The following HECW2 variants were observed in gnomAD, a reference collection of about 807,000 sequenced individuals.
HECW2 encodes the protein E3 ubiquitin-protein ligase HECW2.
A neutral mutation model predicts 175.2 loss-of-function variants in HECW2; 61 were observed. The ratio of observed to expected loss-of-function variants is 0.35; its 90% CI spans 0.28 to 0.43. HECW2 has a LOEUF of 0.43. HECW2 is among the 20% of genes least tolerant of loss of function. HECW2 has a pLI of 1.00. For missense variants in HECW2, 1,524 were observed against 2,000.5 expected (o/e 0.76, Z 4.54); for synonymous variants, 671 against 731.0 (o/e 0.92, Z 1.32).
At chr2:196,556,233 A>G (rs1689789821) in intron 1 of HECW2, among the ~76,000 whole-genome samples, 1 of 152,230 alleles carries the variant, frequency 6.6e-6, no homozygotes, top group African/African-American at 2.4e-5. Context: ...TGTATGCATT[A>G]TGAAATGATT....
At chr2:196,362,252 C>T (rs2105885803) in intron 2 of HECW2, 7 of 938,878 alleles carry the variant, frequency 7.5e-6, no homozygotes, top group South Asian at 4.9e-5. Context: ...ATGCAATCGC[C>T]CCATCCTCCC....
intron 2 of HECW2, among the ~76,000 whole-genome samples, chr2:196,356,373 GT>G (rs1693368995): frequency 6.6e-6 from 1 of 152,176 alleles, no homozygotes; most frequent in African/African-American, 2.4e-5. Context: ...ATTACCCAAA[GT>G]TAACCTTAGT....
At chr2:196,413,636 T>C (rs1289314381) in intron 2 of HECW2, among the ~76,000 whole-genome samples, 1 of 152,126 alleles carries the variant, frequency 6.6e-6, no homozygotes, top group East Asian at 1.9e-4. Flanking sequence ...TAAGCCACTA[T>C]GCCCAGCCGA....
intron 4 of HECW2, among the ~76,000 whole-genome samples, 189 bp from the exon 5 acceptor site, chr2:196,329,839 A>T (rs560254801): frequency 6.6e-6 from 1 of 152,330 alleles, no homozygotes; most frequent in African/African-American, 2.4e-5. Flanking sequence ...ACTAAAATTT[A>T]ATCTTTACCA....
intron 14 of HECW2, chr2:196,291,904 C>T (rs1381864909): frequency 6.6e-6 from 1 of 152,236 alleles, no homozygotes; most frequent in African/African-American, 2.4e-5. Flanking sequence ...CACCTTATAA[C>T]AAGCACTAAT....
intron 2 of HECW2, among the ~76,000 whole-genome samples, chr2:196,401,840 A>G (rs1694824388): frequency 6.6e-6 from 1 of 152,206 alleles, no homozygotes; most frequent in Non-Finnish European, 1.5e-5. Flanking sequence ...AGATAAGTTA[A>G]GACATGGAAT....
At chr2:196,345,225 C>T (rs755693174) in intron 2 of HECW2, among the ~76,000 whole-genome samples, 1 of 152,186 alleles carries the variant, frequency 6.6e-6, no homozygotes, top group Non-Finnish European at 1.5e-5. Context: ...AGATGGTACT[C>T]GGGCAATCAC....
chr2:196,310,732 T>C (rs905539271), intron 10 of HECW2, among the ~76,000 whole-genome samples: 2 of 151,450 alleles, frequency 1.3e-5, no homozygotes, highest in Non-Finnish European at 2.9e-5. Context: ...AAATATGTTA[T>C]ATAATCAGGG....
chr2:196,458,106 C>CA (rs903687001), intron 1 of HECW2, among the ~76,000 whole-genome samples: 13 of 151,746 alleles, frequency 8.6e-5, no homozygotes, highest in Non-Finnish European at 2.9e-5. Context: ...CCCATCTCTA[C>CA]AAAAAATTAA....
At chr2:196,552,233 C>T (rs761298251) in intron 1 of HECW2, among the ~76,000 whole-genome samples, 1 of 152,162 alleles carries the variant, frequency 6.6e-6, no homozygotes, top group African/African-American at 2.4e-5. Flanking sequence ...AAACTTAAAG[C>T]TTTATGGTTA....
chr2:196,326,421 A>G (rs1692153984), intron 5 of HECW2, among the ~76,000 whole-genome samples: 1 of 150,812 alleles, frequency 6.6e-6, no homozygotes, highest in Non-Finnish European at 1.5e-5. Flanking sequence ...ATATATCTGC[A>G]AATATTTAAA....
intron 3 of HECW2, among the ~76,000 whole-genome samples, chr2:196,337,706 T>A (rs907819425): frequency 6.6e-6 from 1 of 152,086 alleles, no homozygotes; most frequent in African/African-American, 2.4e-5. Flanking sequence ...AAGAGTATTT[T>A]GAATTCACTA....
intron 2 of HECW2, among the ~76,000 whole-genome samples, chr2:196,381,818 T>G (rs763205465): frequency 3.9e-5 from 6 of 152,174 alleles, no homozygotes; most frequent in Non-Finnish European, 2.9e-5. Flanking sequence ...AGTCTTTAAC[T>G]AGTTTAAACT....
intron 1 of HECW2, among the ~76,000 whole-genome samples, chr2:196,530,046 C>T (rs1688791213): frequency 6.6e-6 from 1 of 152,098 alleles, no homozygotes; most frequent in Admixed American, 6.6e-5. Context: ...ATATAAGAAT[C>T]TAAGATACTT....
chr2:196,291,158 G>A (rs545610232), intron 14 of HECW2: 1 of 151,956 alleles, frequency 6.6e-6, no homozygotes, highest in Admixed American at 6.6e-5. Context: ...AGGGAACTTT[G>A]GGGGGTAAAT....
Position 196,222,258 on chromosome 2 carries a change from C to A in HECW2, c.4099G>T (p.Asp1367Tyr), listed in dbSNP as rs149188557. 6.2e-7 allele frequency: 1 copy of A among 1,613,724 alleles called. No individual in the cohort carries two copies. Among genetic ancestry groups the A allele is most frequent in the African/African-American group, 1.3e-5 (1 of 74,894 alleles). The change falls in exon 24 of 29, where the codon GAC becomes TAC. Residue 1367 changes from aspartate to tyrosine, a missense_variant. By Grantham distance (160) the Asp-to-Tyr change is radical. Around this residue, in one of 11 missense-constraint regions of HECW2, gnomAD observed 134 missense variants for 287.8 expected, o/e 0.47. Transcript: ENST00000644978. ...LQWMKDNDIH[D>Y]ILDLTFTVNE... is the part of the protein sequence containing the mutation. ...ACAGTGAACGTGAGGTCTAGGATGT[C>A]ATGGATATCATTGTCTTTCATCCAC...
At position 196,361,998 on chromosome 2, in the gene HECW2, C is replaced by T. The variant is rs568197098; in HGVS notation, c.293-18234G>A. ...TGGAGTTCTAAGGTGGCTGTGAAAG[C>T]TCTGCAGGTCCACTTCACGGATGCT... On this transcript the variant is annotated intron_variant, in intron 2 of 28. Transcript: ENST00000644978. 397 of 985,358 alleles carry T rather than the reference C, an allele frequency of 4.0e-4. 2 individuals carry two copies. The African/African-American group carries it at 6.3e-3, about 16-fold the overall frequency. 61.0% of individuals were successfully genotyped at this position (985,358 alleles called of 1,614,324 possible).
At position 196,321,391 on chromosome 2, in the gene HECW2, C is replaced by CT. The variant is rs10622627; in HGVS notation, c.885-953dup. Among the ~76,000 whole-genome samples the CT allele has an allele frequency of 3.1e-3, 430 of 139,666 alleles. 13 individuals carry two copies. Among genetic ancestry groups the CT allele is most frequent in the African/African-American group, 5.3e-3 (200 of 37,628 alleles). The allele number at this position is 139,666 out of a possible 152,430, so 91.6% of individuals were successfully genotyped here. On this transcript the variant is annotated intron_variant, in intron 7 of 28. Transcript: ENST00000644978. Reference sequence around the variant, plus strand: ...ATTAAATGACTTATTCTTTTTCTCTCTTTTTTTTTTTTTTGAGACAGAGTC... The same window carrying CT: ...ATTAAATGACTTATTCTTTTTCTCTCTTTTTTTTTTTTTTTGAGACAGAGTC...
intron 2 of HECW2, among the ~76,000 whole-genome samples, chr2:196,380,872 T>C (rs896665192): frequency 6.6e-6 from 1 of 152,236 alleles, no homozygotes; most frequent in Non-Finnish European, 1.5e-5. Flanking sequence ...GAGTTCAACC[T>C]GTTTCTTGAA....
Sources: gnomAD v4.1 joint callset for allele counts (sites outside exome capture counted in the v4.1 genomes callset) on GRCh38, gnomAD v4.1.1 for gene constraint, gnomAD v4.1.1 regional missense constraint, MANE v1.5 for transcripts, NCBI Gene and HGNC (gene_info 2026-07-23, HGNC 2026-07-21) for gene names.